SLC25A13: variants seen among roughly 807,000 people sequenced by gnomAD.
SLC25A13 encodes the protein electrogenic aspartate/glutamate antiporter SLC25A13, mitochondrial.
Under a neutral mutation model 85.5 loss-of-function variants are expected in SLC25A13, and 70 were observed. The observed-to-expected ratio is 0.82, with a 90% CI of 0.68 to 1.00. The LOEUF is 1.00. Among genes scored for constraint, SLC25A13 ranks in the 50% least tolerant of loss-of-function variants. The pLI is 0.00. For missense variants in SLC25A13, 765 were observed against 819.8 expected (o/e 0.93, Z 0.82); for synonymous variants, 259 against 288.7 (o/e 0.90, Z 1.04).
At chr7:96,319,540 C>CAAAA (rs398005497) in intron 1 of SLC25A13, among the ~76,000 whole-genome samples, 17 of 77,186 alleles carry the variant, frequency 2.2e-4, no homozygotes, top group Non-Finnish European at 2.5e-4. Context: ...GACTCCATCT[C>CAAAA]AAAAAAAAAA....
intron 4 of SLC25A13, among the ~76,000 whole-genome samples, chr7:96,217,949 A>C (rs1207086806): frequency 6.6e-6 from 1 of 150,862 alleles, no homozygotes; most frequent in Non-Finnish European, 1.5e-5. Context: ...TCTGCCTCTT[A>C]CTAATGAGTA....
chr7:96,130,719 C>G (rs1241610083), intron 15 of SLC25A13, among the ~76,000 whole-genome samples: 1 of 152,156 alleles, frequency 6.6e-6, no homozygotes. Flanking sequence ...AAATCATGAT[C>G]TCTTGCTCTA....
rs183469084 is a variant in SLC25A13 at position 96,200,024 on chromosome 7, A to C, written c.469-6841T>G. On this transcript the variant is annotated intron_variant, in intron 5 of 17. Coordinates refer to ENST00000265631, the MANE Select transcript of SLC25A13 (RefSeq NM_014251.3). ...AACAATGACAACAAAAACCCAAAAAACCCAGTCCCTCAAAACAAGCAGGAG... is the reference window on the plus strand; with the variant it reads ...AACAATGACAACAAAAACCCAAAAACCCCAGTCCCTCAAAACAAGCAGGAG... Among the ~76,000 whole-genome samples the C allele has an allele frequency of 4.6e-3, 707 of 152,054 alleles. 4 individuals carry two copies. The highest frequency in any genetic ancestry group is 0.016 in the African/African-American group (680 of 41,448).
chr7:96,156,336 G>A (rs934667870), intron 13 of SLC25A13, among the ~76,000 whole-genome samples: 32 of 152,110 alleles, frequency 2.1e-4, no homozygotes, highest in Middle Eastern at 6.8e-3. Context: ...TTGTTCTGTC[G>A]CCCAGGCTGG....
chr7:96,276,728 G>T (rs1354538110), intron 3 of SLC25A13, among the ~76,000 whole-genome samples: 2 of 152,186 alleles, frequency 1.3e-5, no homozygotes, highest in African/African-American at 4.8e-5. Context: ...GATTCTATAT[G>T]GTACAGTTTC....
intron 5 of SLC25A13, among the ~76,000 whole-genome samples, chr7:96,204,516 G>A (rs1343891725): frequency 6.7e-6 from 1 of 149,734 alleles, no homozygotes; most frequent in African/African-American, 2.5e-5. Context: ...TCTAGCCTGG[G>A]TAACAGAGTG....
At chr7:96,216,128 C>T (rs1795891826) in intron 4 of SLC25A13, among the ~76,000 whole-genome samples, 1 of 151,494 alleles carries the variant, frequency 6.6e-6, no homozygotes, top group Admixed American at 6.6e-5. Context: ...TCCATTCCAG[C>T]CTGGGCGACA....
intron 5 of SLC25A13, among the ~76,000 whole-genome samples, chr7:96,208,141 C>A (rs562619377): frequency 2.0e-5 from 3 of 152,276 alleles, no homozygotes; most frequent in Non-Finnish European, 4.4e-5. Context: ...CTGTCCATTT[C>A]CAGGGGAAAA....
At chr7:96,315,355 C>A (rs1174180777) in intron 1 of SLC25A13, among the ~76,000 whole-genome samples, 1 of 152,184 alleles carries the variant, frequency 6.6e-6, no homozygotes, top group East Asian at 1.9e-4. Flanking sequence ...TCAGGCCACA[C>A]CCAAGTCCAA....
At chr7:96,172,760 A>T (rs1794058638) in intron 11 of SLC25A13, among the ~76,000 whole-genome samples, 2 of 150,942 alleles carry the variant, frequency 1.3e-5, no homozygotes, top group East Asian at 3.9e-4. Flanking sequence ...GACAAGCGCC[A>T]GTTTGTATTT....
chr7:96,141,019 C>CTTTTTTTTTTTTTTT (rs11433644), intron 14 of SLC25A13, among the ~76,000 whole-genome samples: 2 of 124,706 alleles, frequency 1.6e-5, no homozygotes, highest in Non-Finnish European at 1.7e-5. Flanking sequence ...TTTTTTCTTT[C>CTTTTTTTTTTTTTTT]TTTTTTTTTT....
intron 13 of SLC25A13, among the ~76,000 whole-genome samples, chr7:96,163,304 A>T: frequency 6.6e-6 from 1 of 152,138 alleles, no homozygotes; most frequent in Non-Finnish European, 1.5e-5. Flanking sequence ...TGAAAAGACC[A>T]AGCTACACAG....
intron 1 of SLC25A13, among the ~76,000 whole-genome samples, chr7:96,315,192 A>G (rs1280665795): frequency 1.3e-5 from 2 of 152,158 alleles, no homozygotes; most frequent in Non-Finnish European, 2.9e-5. Flanking sequence ...ATTTGGAGAA[A>G]CCCCTACATA....
chr7:96,195,161 G>A (rs2116671359), intron 5 of SLC25A13, among the ~76,000 whole-genome samples: 1 of 152,278 alleles, frequency 6.6e-6, no homozygotes, highest in Middle Eastern at 3.4e-3. Context: ...TGGGTATCGT[G>A]TAAAGGCCAT....
At chr7:96,155,944 C>T (rs984983947) in intron 13 of SLC25A13, among the ~76,000 whole-genome samples, 3 of 152,216 alleles carry the variant, frequency 2.0e-5, no homozygotes, top group African/African-American at 4.8e-5. Context: ...TTCTAACCCA[C>T]GCTCAGAACC....
chr7:96,294,030 C>A (rs1014322958), intron 2 of SLC25A13, among the ~76,000 whole-genome samples: 2 of 152,120 alleles, frequency 1.3e-5, no homozygotes, highest in Non-Finnish European at 2.9e-5. Context: ...GGAACCAACC[C>A]AAATGTCCAT....
intron 3 of SLC25A13, among the ~76,000 whole-genome samples, chr7:96,241,150 A>C (rs1232818374): frequency 6.6e-6 from 1 of 152,152 alleles, no homozygotes; most frequent in Admixed American, 6.5e-5. Flanking sequence ...TCCGGAGAAC[A>C]ATTTGACAAC....
chr7:96,134,643 C>T (rs1205732106), intron 14 of SLC25A13, among the ~76,000 whole-genome samples: 1 of 151,792 alleles, frequency 6.6e-6, no homozygotes, highest in Non-Finnish European at 1.5e-5. Context: ...CCTTCTTCTT[C>T]CTTTCCTGAA....
intron 5 of SLC25A13, among the ~76,000 whole-genome samples, chr7:96,203,300 A>G (rs1795330718): frequency 6.6e-6 from 1 of 152,172 alleles, no homozygotes; most frequent in Non-Finnish European, 1.5e-5. Flanking sequence ...CCTATTCAGA[A>G]CTACTAAATT....
Sources: allele counts gnomAD v4.1 joint callset (sites outside exome capture counted in the v4.1 genomes callset), GRCh38; gene constraint gnomAD v4.1.1; transcripts MANE v1.5; gene names NCBI Gene and HGNC (gene_info 2026-07-23, HGNC 2026-07-21).